ACAD11: variants seen among roughly 807,000 people sequenced by gnomAD.
The protein encoded by ACAD11 is acyl-Coenzyme A dehydrogenase family, member 11.
ACAD11 carries 83 observed loss-of-function variants against 102.2 expected under a neutral mutation model. The ratio of observed to expected loss-of-function variants is 0.81; its 90% confidence interval spans 0.68 to 0.97. The LOEUF (loss-of-function observed/expected upper bound fraction) is 0.97, where lower values mean the gene tolerates loss of function less well. Ranked by LOEUF, ACAD11 falls within the 50% of genes least tolerant of loss-of-function variation. The pLI is 0.00. For missense variants in ACAD11, 901 were observed against 951.7 expected, an observed-to-expected ratio of 0.95 and a Z score of 0.70; for synonymous variants, 324 against 319.8, an observed-to-expected ratio of 1.01 and a Z score of -0.14.
chr3:132,651,483 T>C (rs1437944873), intron 1 of ACAD11, among the ~76,000 whole-genome samples: 1 of 152,228 alleles, frequency 6.6e-6, no homozygotes, highest in Non-Finnish European at 1.5e-5. Context: ...AGTTACACCC[T>C]ACACTTTAGC....
intron 8 of ACAD11, chr3:132,627,152 A>C (rs1294760266): frequency 6.0e-6 from 1 of 166,852 alleles, no homozygotes; most frequent in East Asian, 1.7e-4. Context: ...ACACTGGGGG[A>C]ATGGGGTGGA....
intron 5 of ACAD11, among the ~76,000 whole-genome samples, chr3:132,633,992 C>T (rs2107871027): frequency 6.6e-6 from 1 of 152,164 alleles, no homozygotes; most frequent in East Asian, 1.9e-4. Flanking sequence ...AGGACATAGG[C>T]ATGGGCAAGG....
Position 132,641,696 on chromosome 3 carries a change from G to GA in ACAD11, c.537+275dup, listed in dbSNP as rs1385422857. 3.1e-3 allele frequency among the ~76,000 whole-genome samples: 368 copies of GA among 118,536 alleles called. 4 individuals are homozygous for GA. Among genetic ancestry groups the GA allele is most frequent in the African/African-American group, 9.3e-3 (299 of 32,124 alleles). The allele number at this position is 118,536 out of a possible 152,430, so 77.8% of individuals were successfully genotyped here. On this transcript the variant is annotated intron_variant, in intron 4 of 19. Coordinates refer to ENST00000264990, the MANE Select transcript of ACAD11 (RefSeq NM_032169.5). Reference sequence around the variant, plus strand: ...AGAGGAAGAGGAAGAGGAAGAGGAAGAGGAAGAAGAAGAAGAAGAAGAAGA... The same window carrying GA: ...AGAGGAAGAGGAAGAGGAAGAGGAAGAAGGAAGAAGAAGAAGAAGAAGAAGA...
intron 11 of ACAD11, among the ~76,000 whole-genome samples, chr3:132,614,756 T>G (rs966087217): frequency 1.3e-5 from 2 of 152,162 alleles, no homozygotes; most frequent in Non-Finnish European, 2.9e-5. Context: ...ATTCAGGACA[T>G]AGGCATGGGC....
Position 132,642,744 on chromosome 3 carries a change from T to A in ACAD11, c.308A>T (p.Lys103Met). 1.9e-6 allele frequency: 3 copies of A among 1,613,438 alleles called. No individual in the cohort carries two copies. The East Asian group carries it at 6.7e-5, about 36-fold the overall frequency. The stretch of plus-strand genomic sequence containing the variant: ...AGTATCACTGCAGTACAGTATAGGC[T>A]TGGGAACGGGGAATCCAATTGAAAA... ...ALFSIGFPVP[K>M]PILYCSDTSV... Residue 103 changes from lysine to methionine, a missense_variant, in exon 3 of 20, where the codon AAG becomes ATG. By Grantham distance (95) the Lys-to-Met change is moderately conservative. Coordinates refer to ENST00000264990, the MANE Select transcript of ACAD11 (RefSeq NM_032169.5).
At chr3:132,605,294 C>T in intron 11 of ACAD11, 89 bp from the exon 12 acceptor site, 1 of 751,874 alleles carries the variant, frequency 1.3e-6, no homozygotes, top group Non-Finnish European at 2.1e-6. Flanking sequence ...AGAAATGCAT[C>T]TTTTTAAAGC....
At chr3:132,573,815 C>A (rs566450275) in intron 17 of ACAD11, among the ~76,000 whole-genome samples, 1 of 152,298 alleles carries the variant, frequency 6.6e-6, no homozygotes, top group East Asian at 1.9e-4. Context: ...AATATATTTC[C>A]TAAGACAGAA....
At chr3:132,585,463 G>A (rs1937769827) in intron 13 of ACAD11, among the ~76,000 whole-genome samples, 1 of 152,118 alleles carries the variant, frequency 6.6e-6, no homozygotes, top group Admixed American at 6.6e-5. Context: ...AACACCAAAA[G>A]CAATGTCAAC....
intron 17 of ACAD11, among the ~76,000 whole-genome samples, chr3:132,574,520 C>CA (rs537731208): frequency 2.0e-5 from 3 of 152,040 alleles, no homozygotes; most frequent in African/African-American, 4.8e-5. Context: ...TAATACTTTA[C>CA]AAAAAGCAAA....
chr3:132,606,809 T>G lies in ACAD11; in HGVS notation c.1415-1604A>C, dbSNP rs578099019. 7.4e-4 allele frequency among the ~76,000 whole-genome samples: 113 copies of G among 152,290 alleles called. 1 individual carries two copies. The highest frequency in any genetic ancestry group is 2.6e-3 in the African/African-American group (108 of 41,562). On this transcript the variant is annotated intron_variant, in intron 11 of 19. Coordinates refer to ENST00000264990, the MANE Select transcript of ACAD11 (RefSeq NM_032169.5). ...GGGACAGACTGCCTCCTCAAGTGGGTCCCTGACCCCCGTGCCTTCTGACAG... is the reference window on the plus strand; with the variant it reads ...GGGACAGACTGCCTCCTCAAGTGGGGCCCTGACCCCCGTGCCTTCTGACAG...
intron 6 of ACAD11, 41 bp from the exon 7 acceptor site, chr3:132,630,599 C>A: frequency 6.5e-7 from 1 of 1,549,416 alleles, no homozygotes; most frequent in South Asian, 1.2e-5. Context: ...ATTAAAATGT[C>A]GTGGTGAATA....
At chr3:132,639,716 T>C in intron 4 of ACAD11, 60 bp from the exon 5 acceptor site, 3 of 1,503,460 alleles carry the variant, frequency 2.0e-6, no homozygotes. Context: ...GATCTAGCAA[T>C]TCTAAAATTA....
chr3:132,595,727 A>C (rs1938274127), intron 13 of ACAD11, among the ~76,000 whole-genome samples: 1 of 152,236 alleles, frequency 6.6e-6, no homozygotes, highest in African/African-American at 2.4e-5. Flanking sequence ...GAGAAATGCA[A>C]ATCAAAATCA....
At chr3:132,621,592 G>A (rs1019084933) in intron 9 of ACAD11, among the ~76,000 whole-genome samples, 4 of 152,136 alleles carry the variant, frequency 2.6e-5, no homozygotes, top group Admixed American at 1.3e-4. Context: ...AAGTTTACTC[G>A]CACATTCACA....
intron 4 of ACAD11, among the ~76,000 whole-genome samples, chr3:132,640,425 A>G (rs1275958304): frequency 6.6e-6 from 1 of 152,096 alleles, no homozygotes; most frequent in African/African-American, 2.4e-5. Context: ...TTACCCACAG[A>G]ATTTTCTAAA....
intron 13 of ACAD11, among the ~76,000 whole-genome samples, chr3:132,586,169 T>C (rs1044688814): frequency 1.3e-5 from 2 of 152,138 alleles, no homozygotes; most frequent in African/African-American, 2.4e-5. Flanking sequence ...CCATAAAAAA[T>C]GATGAGTTCA....
intron 4 of ACAD11, among the ~76,000 whole-genome samples, chr3:132,639,998 T>TCACACACA (rs539317705): frequency 6.8e-6 from 1 of 147,074 alleles, no homozygotes; most frequent in African/African-American, 2.5e-5. Context: ...ACACTCTCTC[T>TCACACACA]CACACACACA....
At chr3:132,626,459 A>C (rs1177806607) in intron 9 of ACAD11, among the ~76,000 whole-genome samples, 1 of 151,556 alleles carries the variant, frequency 6.6e-6, no homozygotes, top group Non-Finnish European at 1.5e-5. Context: ...ACTCTAACAT[A>C]GTTAGGCTCC....
chr3:132,573,523 A>G (rs975043635), intron 17 of ACAD11, among the ~76,000 whole-genome samples: 2 of 152,204 alleles, frequency 1.3e-5, no homozygotes, highest in African/African-American at 4.8e-5. Flanking sequence ...AACATTTAAA[A>G]TAACATTTAA....
Sources: allele counts gnomAD v4.1 joint callset (sites outside exome capture counted in the v4.1 genomes callset), GRCh38; gene constraint gnomAD v4.1.1; transcripts MANE v1.5; gene names NCBI Gene and HGNC (gene_info 2026-07-23, HGNC 2026-07-21).